The following PGBD2 variants were observed in gnomAD, a reference collection of about 807,000 sequenced individuals.
PGBD2 encodes piggyBac transposable element-derived protein 2.
Under a neutral mutation model 8.1 loss-of-function variants are expected in PGBD2, and 6 were observed. That is an observed-to-expected ratio of 0.74 (90% CI 0.40 to 1.46). The LOEUF is 1.46. PGBD2 is among the 40% of genes most tolerant of loss of function. PGBD2 has a pLI of 0.02. For missense variants in PGBD2, 802 were observed against 739.0 expected (o/e 1.09, Z -0.99); for synonymous variants, 318 against 272.2 (o/e 1.17, Z -1.66).
In PGBD2 at chr1:248,918,213, T is replaced by G; in HGVS notation, c.1629T>G (p.Thr543=). ...GGAGGCGAAGCAGGCGGTTGGAGAC[T>G]GAGAGCCGCTTCGATATGATTGGGC... ...SQGRRSRRLE[T]ESRFDMIGHW... The change falls in exon 3 of 3, where the codon ACT becomes ACG. Residue 543 remains threonine (T), a synonymous_variant. Coordinates refer to ENST00000329291, the MANE Select transcript of PGBD2 (RefSeq NM_170725.3). The G allele has an allele frequency of 1.2e-6, 2 of 1,614,152 alleles. No homozygotes were observed. The highest frequency in any genetic ancestry group is 1.7e-6 in the Non-Finnish European group (2 of 1,180,012).
At chr1:248,905,911 A>C (rs1661615583), upstream of PGBD2, among the ~76,000 whole-genome samples, 1 of 152,156 alleles carries the variant, frequency 6.6e-6, no homozygotes, top group African/African-American at 2.4e-5. Flanking sequence ...TTGCATTTCC[A>C]TCGATTTCCC....
At chr1:248,905,605 G>T (rs1057317480), upstream of PGBD2, among the ~76,000 whole-genome samples, 2 of 152,148 alleles carry the variant, frequency 1.3e-5, no homozygotes, top group Non-Finnish European at 2.9e-5. Context: ...ATGAAATACA[G>T]GGACTTCCAG....
intron 1 of PGBD2, among the ~76,000 whole-genome samples, chr1:248,911,787 G>A (rs534253651): frequency 5.3e-5 from 8 of 151,556 alleles, no homozygotes; most frequent in Admixed American, 2.0e-4. Flanking sequence ...GTGGCTGGCC[G>A]GGCGCTCCCC....
Position 248,916,707 on chromosome 1 carries a change from G to C in PGBD2, c.123G>C (p.Glu41Asp). 4 of 1,614,184 alleles carry C rather than the reference G, an allele frequency of 2.5e-6. No homozygotes were observed. The highest frequency in any genetic ancestry group is 3.4e-6 in the Non-Finnish European group (4 of 1,180,032). ...AAGAGTCCAACAACAACAGGGAAGA[G>C]ATTTTCATTGCACCTCCCGACAATG... Reference protein sequence around the residue: ...EEEESNNNREEIFIAPPDNAA... With the variant: ...EEEESNNNREDIFIAPPDNAA... Residue 41 changes from glutamate (E) to aspartate (D), a missense_variant, in exon 3 of 3, where the codon GAG becomes GAC. Coordinates refer to ENST00000329291, the MANE Select transcript of PGBD2 (RefSeq NM_170725.3).
At chr1:248,927,132 C>T in the PGBD2 span, among the ~76,000 whole-genome samples, 1 of 152,034 alleles carries the variant, frequency 6.6e-6, no homozygotes, top group East Asian at 1.9e-4. Context: ...AGTATGTCGC[C>T]CAAAATAGAG....
In PGBD2 at chr1:248,916,755, G is replaced by A; in HGVS notation, c.171G>A (p.Glu57=). ...ATGCTGCGGGGGAATTCACTGATGA[G>A]GACTCAGGGGATGAAGACAGCCAGC... ...PDNAAGEFTD[E]DSGDEDSQRG... is the part of the protein sequence containing the mutation. Residue 57 remains glutamate, a synonymous_variant, in exon 3 of 3, where the codon GAG becomes GAA. Transcript: ENST00000329291. 3.1e-6 allele frequency: 5 copies of A among 1,614,164 alleles called. No homozygotes were observed. The highest frequency in any genetic ancestry group is 4.2e-6 in the Non-Finnish European group (5 of 1,180,022).
chr1:248,925,341 A>G, the PGBD2 span, among the ~76,000 whole-genome samples: 7 of 152,220 alleles, frequency 4.6e-5, no homozygotes, highest in African/African-American at 1.7e-4. Context: ...GGGCCCAGGC[A>G]GGGGAAGAGA....
At chr1:248,891,504 G>A in the PGBD2 span, among the ~76,000 whole-genome samples, 1 of 152,184 alleles carries the variant, frequency 6.6e-6, no homozygotes, top group Non-Finnish European at 1.5e-5. Context: ...CTTTGATGAA[G>A]AGCCACAAGA....
At chr1:248,890,212 C>T in the PGBD2 span, among the ~76,000 whole-genome samples, 1 of 152,140 alleles carries the variant, frequency 6.6e-6, no homozygotes, top group South Asian at 2.1e-4. Context: ...AGGCGTGAGT[C>T]TCTGCACCCG....
chr1:248,925,419 T>A, the PGBD2 span, among the ~76,000 whole-genome samples: 1 of 152,330 alleles, frequency 6.6e-6, no homozygotes. Context: ...AACCGCTGAC[T>A]GTTGAAGCCA....
chr1:248,873,894 T>C, the PGBD2 span, among the ~76,000 whole-genome samples: 1 of 152,162 alleles, frequency 6.6e-6, no homozygotes, highest in Non-Finnish European at 1.5e-5. Flanking sequence ...AGACTCAAGG[T>C]AAGCACCTTG....
intron 1 of PGBD2, among the ~76,000 whole-genome samples, chr1:248,910,093 C>T (rs542148286): frequency 6.6e-6 from 1 of 152,340 alleles, no homozygotes; most frequent in African/African-American, 2.4e-5. Context: ...CATGGTAACA[C>T]AAGTCAGGCT....
chr1:248,907,634 A>G lies in PGBD2; in HGVS notation c.-48+1292A>G, dbSNP rs543310265. Among the ~76,000 whole-genome samples the G allele has an allele frequency of 8.5e-5, 13 of 152,272 alleles. No individual in the cohort carries two copies. In the South Asian group the frequency reaches 2.7e-3, roughly 32 times the overall value. ...ATTGCGCCCCTTGTTTATTGAGACT[A>G]GAGAATGGTGATGACTTTTACCAAG... On this transcript the variant is annotated intron_variant, in intron 1 of 2. Transcript: ENST00000329291.
At chr1:248,929,462 A>C in the PGBD2 span, among the ~76,000 whole-genome samples, 1 of 152,234 alleles carries the variant, frequency 6.6e-6, no homozygotes, top group South Asian at 2.1e-4. Context: ...CCTTTGACTC[A>C]CTTTATCACC....
chr1:248,879,790 A>G, the PGBD2 span, among the ~76,000 whole-genome samples: 1 of 152,160 alleles, frequency 6.6e-6, no homozygotes, highest in African/African-American at 2.4e-5. Context: ...GATTCGGACC[A>G]TATGTCATTG....
At chr1:248,914,592 T>G in intron 2 of PGBD2, 1 of 1,289,032 alleles carries the variant, frequency 7.8e-7, no homozygotes, top group African/African-American at 1.5e-5. Context: ...TGGTAAATCC[T>G]GCATCCTTCT....
chr1:248,907,990 G>A (rs915194866), intron 1 of PGBD2, among the ~76,000 whole-genome samples: 5 of 152,094 alleles, frequency 3.3e-5, no homozygotes, highest in East Asian at 1.9e-4. Flanking sequence ...TAATTTCAGA[G>A]TTTCAGAGTG....
At chr1:248,901,813 G>C (rs879153824), upstream of PGBD2, among the ~76,000 whole-genome samples, 1 of 152,138 alleles carries the variant, frequency 6.6e-6, no homozygotes, top group African/African-American at 2.4e-5. Context: ...ACCATCATCA[G>C]AGTGAACAGA....
At chr1:248,899,797 GAAAAA>G in the PGBD2 span, among the ~76,000 whole-genome samples, 2 of 125,888 alleles carry the variant, frequency 1.6e-5, no homozygotes, top group Non-Finnish European at 3.4e-5. Flanking sequence ...TTTTTTTTGG[GAAAAA>G]AAAAAAAAAG....
Sources: gnomAD v4.1 joint callset for allele counts (sites outside exome capture counted in the v4.1 genomes callset) on GRCh38, gnomAD v4.1.1 for gene constraint, MANE v1.5 for transcripts, NCBI Gene and HGNC (gene_info 2026-07-23, HGNC 2026-07-21) for gene names.